Variants in FAM117B observed in about 807,000 individuals in gnomAD.
FAM117B encodes the protein family with sequence similarity 117 member B.
In FAM117B, 22 loss-of-function variants were observed where a neutral mutation model predicts 52.8. That is an observed-to-expected ratio of 0.42 (90% CI 0.30 to 0.59). FAM117B has a LOEUF of 0.59. Ranked by LOEUF, FAM117B falls within the 20% of genes least tolerant of loss-of-function variation. The probability of loss-of-function intolerance (pLI) is 0.22; values close to 1 mark genes in which losing one functional copy is unlikely to be tolerated. For synonymous variants in FAM117B, 309 were observed against 324.1 expected (o/e 0.95, Z 0.50); for missense variants, 678 against 802.6 (o/e 0.84, Z 1.88).
intron 2 of FAM117B, among the ~76,000 whole-genome samples, chr2:202,718,124 G>C (rs546123531): frequency 6.6e-6 from 1 of 152,218 alleles, no homozygotes; most frequent in East Asian, 1.9e-4. Flanking sequence ...AGGCCCAAAA[G>C]CTCTTCAGTC....
At chr2:202,753,277 C>T (rs1310312786) in intron 4 of FAM117B, among the ~76,000 whole-genome samples, 1 of 152,140 alleles carries the variant, frequency 6.6e-6, no homozygotes, top group Non-Finnish European at 1.5e-5. Flanking sequence ...GAAAGGATCT[C>T]CTATTCAGTA....
At chr2:202,646,331 T>C (rs1689863492) in intron 1 of FAM117B, among the ~76,000 whole-genome samples, 1 of 152,246 alleles carries the variant, frequency 6.6e-6, no homozygotes, top group Non-Finnish European at 1.5e-5. Context: ...AATATTTAAG[T>C]GAGACATTAA....
At chr2:202,726,078 A>G (rs1691239262) in intron 3 of FAM117B, among the ~76,000 whole-genome samples, 172 bp from the exon 4 acceptor site, 1 of 152,220 alleles carries the variant, frequency 6.6e-6, no homozygotes, top group Non-Finnish European at 1.5e-5. Flanking sequence ...ATACACATAC[A>G]TGCATGTGTA....
At chr2:202,721,580 C>A (rs1691152968) in intron 2 of FAM117B, among the ~76,000 whole-genome samples, 1 of 152,076 alleles carries the variant, frequency 6.6e-6, no homozygotes, top group African/African-American at 2.4e-5. Context: ...AAAAATTAAA[C>A]CCTTTACATA....
intron 1 of FAM117B, among the ~76,000 whole-genome samples, chr2:202,641,409 A>G (rs1689767664): frequency 6.6e-6 from 1 of 152,220 alleles, no homozygotes; most frequent in Non-Finnish European, 1.5e-5. Context: ...TGAATAGAAT[A>G]TATACATTAG....
intron 4 of FAM117B, among the ~76,000 whole-genome samples, chr2:202,737,011 T>G (rs1051885686): frequency 2.0e-5 from 3 of 152,112 alleles, no homozygotes; most frequent in African/African-American, 7.2e-5. Context: ...ATGGGACTTG[T>G]GGGAAGTGAG....
chr2:202,742,199 C>T (rs564086613), intron 4 of FAM117B, among the ~76,000 whole-genome samples: 2 of 152,218 alleles, frequency 1.3e-5, no homozygotes, highest in South Asian at 4.1e-4. Context: ...GAACTTGCTA[C>T]GTAAAGCTCA....
At chr2:202,699,426 CAAAAAAAAAAAAAAAAA>C (rs751190825) in intron 2 of FAM117B, among the ~76,000 whole-genome samples, 1 of 17,914 alleles carries the variant, frequency 5.6e-5, no homozygotes, top group Non-Finnish European at 1.1e-4. Flanking sequence ...GACCCCATCT[CAAAAAAAAAAAAAAAAA>C]AAAAAGAAAA....
At chr2:202,659,765 C>A (rs1471147936) in intron 1 of FAM117B, among the ~76,000 whole-genome samples, 3 of 151,850 alleles carry the variant, frequency 2.0e-5, no homozygotes, top group Admixed American at 2.0e-4. Flanking sequence ...CAGGCACACA[C>A]TACCATGCCC....
intron 4 of FAM117B, among the ~76,000 whole-genome samples, chr2:202,739,699 C>T (rs1691494922): frequency 6.6e-6 from 1 of 152,066 alleles, no homozygotes; most frequent in Non-Finnish European, 1.5e-5. Context: ...TTAAGCAGTC[C>T]TCCCTCGGAC....
chr2:202,722,821 CTTAAAAA>C (rs1223036701), intron 2 of FAM117B, among the ~76,000 whole-genome samples: 1 of 150,958 alleles, frequency 6.6e-6, no homozygotes, highest in Non-Finnish European at 1.5e-5. Context: ...TACCCTTGAA[CTTAAAAA>C]TTAAAAAAAA....
intron 1 of FAM117B, among the ~76,000 whole-genome samples, chr2:202,659,946 T>A (rs1350798938): frequency 1.3e-5 from 2 of 151,872 alleles, no homozygotes; most frequent in East Asian, 1.9e-4. Context: ...TTCCCCCACC[T>A]TTTTTTCACT....
chr2:202,744,934 G>A (rs1368228175), intron 4 of FAM117B, among the ~76,000 whole-genome samples: 10 of 136,624 alleles, frequency 7.3e-5, no homozygotes, highest in African/African-American at 1.4e-4. Context: ...CCAAGATTGC[G>A]CCACTGCACT....
intron 4 of FAM117B, among the ~76,000 whole-genome samples, chr2:202,747,783 C>T (rs1260877969): frequency 6.6e-6 from 1 of 151,944 alleles, no homozygotes; most frequent in Non-Finnish European, 1.5e-5. Context: ...ACAAAAACTG[C>T]AAACACTAAT....
intron 2 of FAM117B, among the ~76,000 whole-genome samples, chr2:202,706,610 A>C (rs1690872155): frequency 6.6e-6 from 1 of 152,238 alleles, no homozygotes; most frequent in Non-Finnish European, 1.5e-5. Context: ...GTTTTCTTTG[A>C]ATTGAAAGAA....
chr2:202,641,565 A>G (rs1689770006), intron 1 of FAM117B, among the ~76,000 whole-genome samples: 1 of 152,282 alleles, frequency 6.6e-6, no homozygotes, highest in South Asian at 2.1e-4. Context: ...CTTACCGTAG[A>G]TAATTGTTTC....
At chr2:202,661,751 C>A (rs904816924) in intron 1 of FAM117B, among the ~76,000 whole-genome samples, 2 of 151,794 alleles carry the variant, frequency 1.3e-5, no homozygotes, top group Admixed American at 6.6e-5. Context: ...CCCCGTCTCT[C>A]GTAAAAATAC....
At chr2:202,749,558 A>G (rs1383390314) in intron 4 of FAM117B, among the ~76,000 whole-genome samples, 4 of 152,096 alleles carry the variant, frequency 2.6e-5, no homozygotes, top group Non-Finnish European at 5.9e-5. Context: ...AATTATTAAT[A>G]GTTGTTATCT....
In FAM117B at chr2:202,767,571, A is replaced by C. The variant is rs983477430; in HGVS notation, c.*1807A>C. 2 of 152,200 alleles carry C rather than the reference A, an allele frequency of 1.3e-5. No individual in the cohort carries two copies. Among genetic ancestry groups the C allele is most frequent in the African/African-American group, 4.8e-5 (2 of 41,444 alleles). The allele number at this position is 152,200 out of a possible 1,614,324, so 9.4% of individuals were successfully genotyped here. On this transcript the variant is annotated 3_prime_UTR_variant, in exon 8 of 8. Transcript: ENST00000392238. ...ATGCAATAATTTACTGTTCCTATAC[A>C]TATTATAAGGTAGAAAAAAGTTTTT...
Sources: gnomAD v4.1 joint callset for allele counts (sites outside exome capture counted in the v4.1 genomes callset) on GRCh38, gnomAD v4.1.1 for gene constraint, MANE v1.5 for transcripts, NCBI Gene and HGNC (gene_info 2026-07-23, HGNC 2026-07-21) for gene names.